Variants in MELK observed in about 807,000 individuals in gnomAD.
MELK encodes pEg3 kinase.
In MELK, 81 loss-of-function variants were observed where a neutral mutation model predicts 85.0. The observed-to-expected ratio is 0.95, with a 90% CI of 0.80 to 1.15. The LOEUF is 1.15. Ranked by LOEUF, MELK falls within the 50% of genes most tolerant of loss-of-function variation. The pLI is 0.00. For missense variants in MELK, 754 were observed against 777.5 expected (o/e 0.97, Z 0.36); for synonymous variants, 252 against 265.0 (o/e 0.95, Z 0.48).
chr9:36,603,841 A>C (rs1049081272), intron 7 of MELK, among the ~76,000 whole-genome samples: 5 of 152,134 alleles, frequency 3.3e-5, no homozygotes, highest in African/African-American at 7.2e-5. Context: ...TTAACTGAAA[A>C]ATGCTTTTTC....
intron 11 of MELK, among the ~76,000 whole-genome samples, chr9:36,649,553 G>A (rs1253271848): frequency 6.6e-6 from 1 of 152,002 alleles, no homozygotes; most frequent in East Asian, 1.9e-4. Context: ...TGGATCATTT[G>A]AGACCAGGAG....
chr9:36,643,834 T>C (rs976681276), intron 11 of MELK, among the ~76,000 whole-genome samples: 4 of 150,386 alleles, frequency 2.7e-5, no homozygotes, highest in Non-Finnish European at 5.9e-5. Context: ...CTTGGGAGGC[T>C]GAGGCAGGAG....
At chr9:36,674,429 G>T (rs186413500) in intron 16 of MELK, among the ~76,000 whole-genome samples, 199 of 152,234 alleles carry the variant, frequency 1.3e-3, no homozygotes, top group African/African-American at 4.3e-3. Flanking sequence ...ATCCAACTAG[G>T]TACAAAGCAA....
At chr9:36,618,405 CAA>C (rs367884644) in intron 8 of MELK, among the ~76,000 whole-genome samples, 11 of 68,774 alleles carry the variant, frequency 1.6e-4, no homozygotes, top group Admixed American at 6.3e-4. Context: ...AGAGGCTCCT[CAA>C]AAAAAAAAAA....
chr9:36,584,144 T>A (rs1822575379), intron 3 of MELK, among the ~76,000 whole-genome samples: 1 of 150,444 alleles, frequency 6.6e-6, no homozygotes, highest in African/African-American at 2.4e-5. Context: ...TTGCTGGGAC[T>A]ACAGGCGCCC....
intron 2 of MELK, among the ~76,000 whole-genome samples, chr9:36,582,284 C>T (rs576008079): frequency 6.6e-6 from 1 of 152,268 alleles, no homozygotes; most frequent in South Asian, 2.1e-4. Context: ...TATTTCTTGA[C>T]TTTTATTCTA....
chr9:36,642,239 T>C (rs1829821030), intron 10 of MELK, among the ~76,000 whole-genome samples: 1 of 152,120 alleles, frequency 6.6e-6, no homozygotes, highest in African/African-American at 2.4e-5. Flanking sequence ...CCTTGAATTG[T>C]GCTAAACATA....
At chr9:36,607,826 T>C (rs1004549848) in intron 8 of MELK, among the ~76,000 whole-genome samples, 153 bp downstream of exon 8, 6 of 152,106 alleles carry the variant, frequency 3.9e-5, no homozygotes, top group Non-Finnish European at 8.8e-5. Context: ...GGTTAAGGAG[T>C]GGGCTTCTGT....
chr9:36,590,585 C>G (rs778505040), intron 4 of MELK, among the ~76,000 whole-genome samples: 1 of 152,152 alleles, frequency 6.6e-6, no homozygotes, highest in Non-Finnish European at 1.5e-5. Flanking sequence ...AGTGACAGTT[C>G]AACCCCCAGC....
intron 17 of MELK, among the ~76,000 whole-genome samples, chr9:36,676,268 A>G (rs1239063597): frequency 1.3e-5 from 2 of 152,272 alleles, no homozygotes; most frequent in Non-Finnish European, 1.5e-5. Context: ...AAAAAAGTAC[A>G]TAACTGAAAC....
chr9:36,646,020 A>G (rs972556561), intron 11 of MELK, among the ~76,000 whole-genome samples: 1 of 152,184 alleles, frequency 6.6e-6, no homozygotes, highest in African/African-American at 2.4e-5. Flanking sequence ...GGCAGTGACT[A>G]GAGACATTTT....
At chr9:36,581,800 T>C in intron 2 of MELK, 61 bp downstream of exon 2, 1 of 1,395,834 alleles carries the variant, frequency 7.2e-7, no homozygotes. Context: ...TATAGATTAT[T>C]TGGGTAGGTG....
chr9:36,627,773 C>A (rs1201071816), intron 8 of MELK, among the ~76,000 whole-genome samples: 1 of 151,748 alleles, frequency 6.6e-6, no homozygotes, highest in African/African-American at 2.4e-5. Context: ...GTGATCCGCC[C>A]ATCTCAGCCT....
At chr9:36,649,747 C>T (rs1202792860) in intron 11 of MELK, among the ~76,000 whole-genome samples, 2 of 151,720 alleles carry the variant, frequency 1.3e-5, no homozygotes, top group African/African-American at 2.4e-5. Context: ...CCAGCCTGGG[C>T]GATAGAGCGA....
At chr9:36,629,343 G>T (rs1015295999) in intron 8 of MELK, among the ~76,000 whole-genome samples, 2 of 152,188 alleles carry the variant, frequency 1.3e-5, no homozygotes, top group African/African-American at 4.8e-5. Context: ...GATGTGTGTG[G>T]TAAGTGTGTA....
At chr9:36,676,427 T>C (rs1310468697) in intron 17 of MELK, among the ~76,000 whole-genome samples, 1 of 152,188 alleles carries the variant, frequency 6.6e-6, no homozygotes, top group African/African-American at 2.4e-5. Context: ...TTAAATATTA[T>C]TACATGAATT....
At chr9:36,580,038 C>CTT (rs58166111) in intron 1 of MELK, among the ~76,000 whole-genome samples, 129 of 117,946 alleles carry the variant, frequency 1.1e-3, no homozygotes, top group African/African-American at 1.4e-3. Context: ...TTCATGTCTT[C>CTT]TTTTTTTTTT....
intron 8 of MELK, among the ~76,000 whole-genome samples, chr9:36,618,032 G>A (rs1827021419): frequency 6.6e-6 from 1 of 152,080 alleles, no homozygotes; most frequent in Admixed American, 6.6e-5. Flanking sequence ...AGGAGACTGA[G>A]GTGGGAGGAT....
chr9:36,615,504 A>C (rs1160794394), intron 8 of MELK, among the ~76,000 whole-genome samples: 17 of 105,266 alleles, frequency 1.6e-4, no homozygotes, highest in Admixed American at 3.4e-4. Flanking sequence ...ACCCCCCCCC[A>C]CCTCCCTCCC....
Sources: gnomAD v4.1 joint callset for allele counts (sites outside exome capture counted in the v4.1 genomes callset) on GRCh38, gnomAD v4.1.1 for gene constraint, MANE v1.5 for transcripts, NCBI Gene and HGNC (gene_info 2026-07-23, HGNC 2026-07-21) for gene names.